Variants in NXPH1 observed in about 807,000 individuals in gnomAD.
NXPH1 encodes the protein neurexophilin-1.
A neutral mutation model predicts 23.7 loss-of-function variants in NXPH1; 5 were observed. The observed-to-expected ratio is 0.21, with a 90% CI of 0.11 to 0.44. NXPH1 has a LOEUF of 0.44. Ranked by LOEUF, NXPH1 falls within the 20% of genes least tolerant of loss-of-function variation. NXPH1 has a pLI of 0.99. For synonymous variants in NXPH1, 144 were observed against 122.2 expected (o/e 1.18, Z -1.18); for missense variants, 324 against 321.6 (o/e 1.01, Z -0.06).
intron 2 of NXPH1, among the ~76,000 whole-genome samples, chr7:8,599,350 C>T (rs1188751855): frequency 3.3e-5 from 5 of 152,136 alleles, no homozygotes; most frequent in African/African-American, 4.8e-5. Context: ...CCTGCCATGA[C>T]TTTTGTTGTG....
intron 2 of NXPH1, among the ~76,000 whole-genome samples, chr7:8,605,004 A>G (rs930012661): frequency 2.0e-5 from 3 of 152,114 alleles, no homozygotes; most frequent in Non-Finnish European, 4.4e-5. Context: ...AACATTGTAC[A>G]TCATTGCTAA....
chr7:8,572,632 G>A (rs1347436664), intron 2 of NXPH1, among the ~76,000 whole-genome samples: 2 of 151,992 alleles, frequency 1.3e-5, no homozygotes, highest in Non-Finnish European at 2.9e-5. Flanking sequence ...AGATGTGCTT[G>A]TAGTGAACAA....
chr7:8,680,734 AAC>A (rs201541893), intron 2 of NXPH1, among the ~76,000 whole-genome samples: 3,222 of 152,328 alleles, frequency 0.021, 129 homozygotes, highest in Admixed American at 0.11. Context: ...GGATCACTGT[AAC>A]AGTTATTGAT....
At chr7:8,586,818 A>G (rs560468366) in intron 2 of NXPH1, among the ~76,000 whole-genome samples, 1 of 152,086 alleles carries the variant, frequency 6.6e-6, no homozygotes, top group East Asian at 1.9e-4. Context: ...GATAATGTGG[A>G]GTAAGGTATT....
chr7:8,549,155 C>T (rs997001479), intron 2 of NXPH1, among the ~76,000 whole-genome samples: 6 of 151,422 alleles, frequency 4.0e-5, no homozygotes, highest in Admixed American at 4.0e-4. Context: ...GTCTTGTTGC[C>T]TAATGAACCA....
chr7:8,702,058 C>T lies in NXPH1; in HGVS notation c.55-48950C>T, dbSNP rs973276101. On this transcript the variant is annotated intron_variant, in intron 2 of 2. Transcript: ENST00000405863. ...ATTAAAGAAAAAAAAAAAAGCCCTCCGTATTCTAACTTTTGTTGTCTGTGT... is the reference window on the plus strand; with the variant it reads ...ATTAAAGAAAAAAAAAAAAGCCCTCTGTATTCTAACTTTTGTTGTCTGTGT... 3.3e-5 allele frequency among the ~76,000 whole-genome samples: 5 copies of T among 150,902 alleles called. No homozygotes were observed. The East Asian group carries it at 7.8e-4, about 23-fold the overall frequency.
chr7:8,739,594 T>C (rs1209671575), intron 2 of NXPH1, among the ~76,000 whole-genome samples: 4 of 152,178 alleles, frequency 2.6e-5, no homozygotes, highest in Admixed American at 2.6e-4. Flanking sequence ...TCCTATTTGG[T>C]CATCTTGCCA....
chr7:8,435,917 T>C lies in NXPH1; in HGVS notation c.54+150T>C. ...GGAGCAACTTTGGCAAGCTGGTCTC[T>C]GGATTCCTGCGGATTTTCCGGGGTT... On this transcript the variant is annotated intron_variant, in intron 2 of 2. Coordinates refer to ENST00000405863, the MANE Select transcript of NXPH1 (RefSeq NM_152745.3). This position sits in a 1 kb window ranked among gnomAD's most constrained non-coding sequence, Gnocchi z 5.9. 1.3e-6 allele frequency: 1 copy of C among 763,956 alleles called. No homozygotes were observed. Among genetic ancestry groups the C allele is most frequent in the Non-Finnish European group, 2.3e-6 (1 of 433,978 alleles). 47.3% of individuals were successfully genotyped at this position (763,956 alleles called of 1,614,324 possible).
chr7:8,745,449 G>T (rs1284762305), intron 2 of NXPH1, among the ~76,000 whole-genome samples: 1 of 149,188 alleles, frequency 6.7e-6, no homozygotes, highest in Non-Finnish European at 1.5e-5. Flanking sequence ...GGGTGGGGGT[G>T]GGTGGAGTAG....
chr7:8,618,049 T>G (rs933021264), intron 2 of NXPH1, among the ~76,000 whole-genome samples: 1 of 152,114 alleles, frequency 6.6e-6, no homozygotes, highest in African/African-American at 2.4e-5. Context: ...TAAAAAAACT[T>G]CCAGATTTGG....
intron 2 of NXPH1, among the ~76,000 whole-genome samples, chr7:8,557,360 A>G (rs148352488): frequency 1.3e-5 from 2 of 151,736 alleles, no homozygotes; most frequent in African/African-American, 4.8e-5. Flanking sequence ...TCTCATAACA[A>G]TGTCAATCAA....
chr7:8,706,180 C>T (rs1383009836), intron 2 of NXPH1, among the ~76,000 whole-genome samples: 1 of 152,140 alleles, frequency 6.6e-6, no homozygotes, highest in Non-Finnish European at 1.5e-5. Context: ...ATGGTTCCTG[C>T]AAAGCTATCA....
intron 2 of NXPH1, among the ~76,000 whole-genome samples, chr7:8,656,281 G>C (rs1041525143): frequency 2.0e-5 from 3 of 152,126 alleles, no homozygotes; most frequent in Non-Finnish European, 4.4e-5. Context: ...AACACAAGTA[G>C]GTTCTCTGTA....
intron 2 of NXPH1, among the ~76,000 whole-genome samples, chr7:8,595,239 T>C (rs1819196131): frequency 6.6e-6 from 1 of 152,020 alleles, no homozygotes; most frequent in African/African-American, 2.4e-5. Flanking sequence ...TTTCAAGAAT[T>C]CTGGCTTATG....
At chr7:8,468,713 T>A (rs1002027936) in intron 2 of NXPH1, among the ~76,000 whole-genome samples, 2 of 152,034 alleles carry the variant, frequency 1.3e-5, no homozygotes, top group Admixed American at 1.3e-4. Flanking sequence ...TGCTTGCAGG[T>A]GACTGATTGA....
intron 2 of NXPH1, among the ~76,000 whole-genome samples, chr7:8,672,757 C>T (rs1820891394): frequency 6.6e-6 from 1 of 152,134 alleles, no homozygotes; most frequent in Admixed American, 6.6e-5. Context: ...AGCTGTGGGT[C>T]CGTCCTCCTT....
rs1220153093 is a variant in NXPH1 at position 8,435,804 on chromosome 7, C to A, written c.54+37C>A. ...AAGGTTCGGGGCTTTCGCATTTTTA[C>A]CCCGGCCGGGAGGCAAGGAAACTGG... On this transcript the variant is annotated intron_variant, in intron 2 of 2. Transcript: ENST00000405863. The surrounding 1 kb of genome is among the most constrained non-coding windows in gnomAD (Gnocchi z 5.9). 2 of 1,605,562 alleles carry A rather than the reference C, an allele frequency of 1.2e-6. No individual in the cohort carries two copies. The highest frequency in any genetic ancestry group is 1.7e-6 in the Non-Finnish European group (2 of 1,172,508).
chr7:8,658,987 A>ATC (rs1820627182), intron 2 of NXPH1, among the ~76,000 whole-genome samples: 1 of 84,680 alleles, frequency 1.2e-5, no homozygotes, highest in African/African-American at 3.6e-5. Flanking sequence ...GCATAAGAAT[A>ATC]TGTATATATA....
rs529210487 is a variant in NXPH1, at chr7:8,473,027, G to A, written c.54+37260G>A. Among the ~76,000 whole-genome samples, 6 of 152,264 alleles carry A rather than the reference G, an allele frequency of 3.9e-5. No individual in the cohort carries two copies. In the South Asian group the frequency reaches 1.2e-3, roughly 32 times the overall value. Reference sequence around the variant, plus strand: ...GCACATATTACTACCAGTGTTATGTGCTGCTCTCCAATTCTAAAAACAGAC... The same window carrying A: ...GCACATATTACTACCAGTGTTATGTACTGCTCTCCAATTCTAAAAACAGAC... On this transcript the variant is annotated intron_variant, in intron 2 of 2. Coordinates refer to ENST00000405863, the MANE Select transcript of NXPH1 (RefSeq NM_152745.3).
Sources: allele counts gnomAD v4.1 joint callset (sites outside exome capture counted in the v4.1 genomes callset), GRCh38; gene constraint gnomAD v4.1.1; non-coding constraint Gnocchi (gnomAD v3.1); transcripts MANE v1.5; gene names NCBI Gene and HGNC (gene_info 2026-07-23, HGNC 2026-07-21).